The following ACO2 variants were observed in gnomAD, a reference collection of about 807,000 sequenced individuals.
ACO2 encodes aconitase 2.
A neutral mutation model predicts 84.5 loss-of-function variants in ACO2; 31 were observed. The ratio of observed to expected loss-of-function variants is 0.37; its 90% CI spans 0.28 to 0.50. The LOEUF (loss-of-function observed/expected upper bound fraction) is 0.50. ACO2 is among the 20% of genes least tolerant of loss of function. ACO2 has a pLI of 0.97. For missense variants in ACO2, 685 were observed against 1,029.3 expected, an observed-to-expected ratio of 0.67 and a Z score of 4.58; for synonymous variants, 414 against 412.7, an observed-to-expected ratio of 1.00 and a Z score of -0.04.
At chr22:41,519,882 A>G (rs1358183325) in intron 8 of ACO2, among the ~76,000 whole-genome samples, 1 of 151,912 alleles carries the variant, frequency 6.6e-6, no homozygotes, top group Non-Finnish European at 1.5e-5. Context: ...GCCTTGATCC[A>G]TTCCATGCCT....
intron 1 of ACO2, among the ~76,000 whole-genome samples, chr22:41,488,332 T>C (rs963031281): frequency 9.9e-5 from 15 of 152,228 alleles, no homozygotes; most frequent in African/African-American, 3.4e-4. Context: ...GCCTGCCGGT[T>C]GCCTCCTGGC....
chr22:41,475,924 G>T (rs1273943031), intron 1 of ACO2, among the ~76,000 whole-genome samples: 1 of 151,086 alleles, frequency 6.6e-6, no homozygotes, highest in Non-Finnish European at 1.5e-5. Flanking sequence ...GCAGCAGATG[G>T]ACCCTCAGGA....
At chr22:41,483,771 G>C (rs1197276823) in intron 1 of ACO2, among the ~76,000 whole-genome samples, 1 of 152,166 alleles carries the variant, frequency 6.6e-6, no homozygotes, top group African/African-American at 2.4e-5. Context: ...ACTTTAGGAG[G>C]CTGCAGTGGG....
At chr22:41,527,719 A>G in intron 16 of ACO2, 182 bp from the exon 17 acceptor site, 1 of 977,934 alleles carries the variant, frequency 1.0e-6, no homozygotes, top group Non-Finnish European at 1.5e-6. Flanking sequence ...CCTCAGCACC[A>G]GCGCACACTT....
At chr22:41,520,082 G>A in intron 8 of ACO2, 89 bp from the exon 9 acceptor site, 1 of 1,152,644 alleles carries the variant, frequency 8.7e-7, no homozygotes. Context: ...CCTCTCTGTG[G>A]GGACGTGGTG....
chr22:41,524,913 C>T lies in ACO2; in HGVS notation c.1550C>T (p.Thr517Met), dbSNP rs540169523. 232 of 1,614,166 alleles carry T rather than the reference C, an allele frequency of 1.4e-4. 4 individuals are homozygous for T. In the South Asian group the frequency reaches 2.3e-3, roughly 16 times the overall value. ...CCAGAGACCGACTACCTGACGGGCA[C>T]GGATGGCAAGAAGTTCAGGCTGGAG... The part of the protein sequence containing the change: ...FNPETDYLTG[T>M]DGKKFRLEAP... The change falls in exon 13 of 18, where the codon ACG (threonine) becomes ATG (methionine). Residue 517 changes from threonine to methionine, a missense_variant. Physicochemically the swap from Thr to Met is moderately conservative, Grantham distance 81 (BLOSUM62 -1). Around this residue, in one of 5 missense-constraint regions of ACO2, gnomAD observed 311 missense variants for 441.6 expected, o/e 0.70. Transcript: ENST00000216254.
At chr22:41,507,274 G>A (rs1045598658) in intron 2 of ACO2, among the ~76,000 whole-genome samples, 2 of 152,104 alleles carry the variant, frequency 1.3e-5, no homozygotes, top group East Asian at 3.9e-4. Flanking sequence ...TGTAGATGGC[G>A]GACAGGGTGG....
intron 4 of ACO2, among the ~76,000 whole-genome samples, chr22:41,512,956 C>T (rs1009842937): frequency 9.2e-5 from 14 of 152,214 alleles, no homozygotes; most frequent in African/African-American, 3.4e-4. Flanking sequence ...GTCCTGGCCT[C>T]CTCAGGATGT....
rs1306115404 is a variant in ACO2, at chr22:41,523,765, T to C, written c.1371-65T>C. On this transcript the variant is annotated intron_variant, in intron 11 of 17. Transcript: ENST00000216254. The stretch of plus-strand genomic sequence containing the variant: ...CTGCGCCACAGGAACCCAGCTTATC[T>C]GTCCTCGGGACAGGCCAGGTGACAA... 4 of 1,419,952 alleles carry C rather than the reference T, an allele frequency of 2.8e-6. No individual in the cohort carries two copies. The African/African-American group carries it at 5.6e-5, about 20-fold the overall frequency. 88.0% of individuals were successfully genotyped at this position (1,419,952 alleles called of 1,614,324 possible).
At chr22:41,501,066 C>T (rs936149400) in intron 2 of ACO2, among the ~76,000 whole-genome samples, 3 of 151,964 alleles carry the variant, frequency 2.0e-5, no homozygotes, top group Non-Finnish European at 2.9e-5. Flanking sequence ...TGTAGTGGCA[C>T]GATCACAGCT....
intron 14 of ACO2, chr22:41,526,045 C>T: frequency 2.0e-6 from 1 of 509,944 alleles, no homozygotes; most frequent in South Asian, 3.1e-5. Context: ...GACTGAGCAG[C>T]CAGAGGCCTT....
chr22:41,517,409 C>T lies in ACO2; in HGVS notation c.836-118C>T, dbSNP rs9619974. On this transcript the variant is annotated intron_variant, in intron 6 of 17. Transcript: ENST00000216254. Reference sequence around the variant, plus strand: ...GTCGGCCCGCTGTCACCACATCTCTCTGAGTGGGAGGAGAAGCAATGCAGC... The same window carrying T: ...GTCGGCCCGCTGTCACCACATCTCTTTGAGTGGGAGGAGAAGCAATGCAGC... 0.44 allele frequency: 354,255 copies of T among 810,758 alleles called. 83,531 individuals carry two copies. The highest frequency in any genetic ancestry group is 0.51 in the Non-Finnish European group (249,909 of 492,762). 50.2% of individuals were successfully genotyped at this position (810,758 alleles called of 1,614,324 possible). A position where few individuals can be genotyped will look rare whatever the true frequency, so the allele number is the denominator to read the frequency against.
chr22:41,469,408 G>A (rs1369950635), intron 1 of ACO2: 12 of 480,456 alleles, frequency 2.5e-5, no homozygotes, highest in Non-Finnish European at 4.0e-5. Context: ...CAAGAAGCGT[G>A]GGCCCAAGCA....
intron 9 of ACO2, among the ~76,000 whole-genome samples, chr22:41,520,683 A>C (rs988553841): frequency 1.3e-5 from 2 of 152,048 alleles, no homozygotes; most frequent in African/African-American, 4.8e-5. Context: ...TCTACTAAAA[A>C]TACAAAAAAT....
Position 41,515,060 on chromosome 22 carries a change from C to T in ACO2, c.526-317C>T, listed in dbSNP as rs747612325. 3.3e-5 allele frequency among the ~76,000 whole-genome samples: 5 copies of T among 152,226 alleles called. No individual in the cohort carries two copies. Among genetic ancestry groups the T allele is most frequent in the Non-Finnish European group, 5.9e-5 (4 of 68,046 alleles). On this transcript the variant is annotated intron_variant, in intron 4 of 17. Transcript: ENST00000216254. The surrounding 1 kb of genome is among the most constrained non-coding windows in gnomAD (Gnocchi z 5.8). The stretch of plus-strand genomic sequence containing the variant: ...AGGACAGTTTCTCTGGTTCTTGTCA[C>T]ATCCTGGGGTCATGGTGGTATGGGT...
chr22:41,510,284 C>T (rs972802936), intron 3 of ACO2, among the ~76,000 whole-genome samples: 1 of 152,200 alleles, frequency 6.6e-6, no homozygotes, highest in Admixed American at 6.5e-5. Flanking sequence ...CCTCCCACAC[C>T]CCTTCCTCAC....
intron 2 of ACO2, among the ~76,000 whole-genome samples, chr22:41,500,151 G>T (rs1569010102): frequency 6.6e-6 from 1 of 152,050 alleles, no homozygotes; most frequent in Non-Finnish European, 1.5e-5. Flanking sequence ...CCTTTTCAGG[G>T]CAGGCTGCTG....
intron 8 of ACO2, among the ~76,000 whole-genome samples, chr22:41,519,021 G>C (rs1737601596): frequency 6.6e-6 from 1 of 152,198 alleles, no homozygotes; most frequent in South Asian, 2.1e-4. Context: ...GCTTCCTGAA[G>C]CAGCCTGGAG....
At chr22:41,504,190 A>G (rs1443347226) in intron 2 of ACO2, among the ~76,000 whole-genome samples, 1 of 152,230 alleles carries the variant, frequency 6.6e-6, no homozygotes, top group Non-Finnish European at 1.5e-5. Context: ...CACTCCAGCC[A>G]GAGTGGTGTC....
Sources: allele counts gnomAD v4.1 joint callset (sites outside exome capture counted in the v4.1 genomes callset), GRCh38; gene constraint gnomAD v4.1.1; regional missense constraint gnomAD v4.1.1; non-coding constraint Gnocchi (gnomAD v3.1); transcripts MANE v1.5; gene names NCBI Gene and HGNC (gene_info 2026-07-23, HGNC 2026-07-21).